LARGE1: variants seen among roughly 807,000 people sequenced by gnomAD.
LARGE1 encodes the protein LARGE xylosyl- and glucuronyltransferase 1, also known as xylosyl- and glucuronyltransferase LARGE1.
LARGE1 carries 43 observed loss-of-function variants against 87.6 expected under a neutral mutation model. The observed-to-expected ratio is 0.49, with a 90% CI of 0.38 to 0.63. The LOEUF (loss-of-function observed/expected upper bound fraction) is 0.63. Ranked by LOEUF, LARGE1 falls within the 30% of genes least tolerant of loss-of-function variation. The probability of loss-of-function intolerance (pLI) is 0.00; values close to 1 mark genes in which losing one functional copy is unlikely to be tolerated. For missense variants in LARGE1, 802 were observed against 1,000.2 expected (o/e 0.80, Z 2.67); for synonymous variants, 434 against 394.6 (o/e 1.10, Z -1.18).
rs111795849 is a variant in LARGE1, at chr22:33,513,812, T to TACACACACACACATACAC, written c.787+51035_787+51036insGTGTATGTGTGTGTGTGT. On this transcript the variant is annotated intron_variant, in intron 6 of 14. Coordinates refer to ENST00000397394, the MANE Select transcript of LARGE1 (RefSeq NM_133642.5). The stretch of plus-strand genomic sequence containing the variant: ...AGCTCTAGAGACTTAAGAGCTGATG[T>TACACACACACACATACAC]ACACACACACACACACACACACACA... Among the ~76,000 whole-genome samples the TACACACACACACATACAC allele has an allele frequency of 4.4e-3, 630 of 143,258 alleles. 9 individuals are homozygous for TACACACACACACATACAC. Among genetic ancestry groups the TACACACACACACATACAC allele is most frequent in the African/African-American group, 0.016 (606 of 38,906 alleles). 94.0% of individuals were successfully genotyped at this position (143,258 alleles called of 152,430 possible). A position where few individuals can be genotyped will look rare whatever the true frequency, so the allele number is the denominator to read the frequency against.
At chr22:33,068,199 T>C in the LARGE1 span, among the ~76,000 whole-genome samples, 22 of 152,304 alleles carry the variant, frequency 1.4e-4, no homozygotes, top group East Asian at 3.7e-3. Flanking sequence ...ATTTTTGTGA[T>C]TGGGTCACCT....
chr22:33,816,623 G>C (rs2086653605), intron 1 of LARGE1, among the ~76,000 whole-genome samples: 2 of 152,082 alleles, frequency 1.3e-5, no homozygotes, highest in South Asian at 4.2e-4. Flanking sequence ...ATAGCAGGCA[G>C]GCAGGCGGGA....
chr22:33,590,520 T>C (rs968183852), intron 5 of LARGE1, among the ~76,000 whole-genome samples: 1 of 152,184 alleles, frequency 6.6e-6, no homozygotes, highest in African/African-American at 2.4e-5. Flanking sequence ...TATAAAACAA[T>C]TTGATCGCCC....
At chr22:33,559,915 G>A (rs1056973290) in intron 6 of LARGE1, among the ~76,000 whole-genome samples, 2 of 152,054 alleles carry the variant, frequency 1.3e-5, no homozygotes, top group East Asian at 3.9e-4. Flanking sequence ...TGCCTAGATC[G>A]CCTTGGGCCC....
At chr22:33,559,182 T>C (rs979315330) in intron 6 of LARGE1, among the ~76,000 whole-genome samples, 2 of 152,218 alleles carry the variant, frequency 1.3e-5, no homozygotes, top group Non-Finnish European at 1.5e-5. Flanking sequence ...GCTTCATTGA[T>C]GGTACACCTT....
chr22:33,841,054 T>C (rs1276320120), intron 1 of LARGE1, among the ~76,000 whole-genome samples: 2 of 152,220 alleles, frequency 1.3e-5, no homozygotes, highest in Non-Finnish European at 2.9e-5. Context: ...TTGCATGATT[T>C]TGCCCAAATA....
intron 11 of LARGE1, among the ~76,000 whole-genome samples, chr22:33,306,861 CAAAA>C (rs200525916): frequency 4.9e-5 from 5 of 101,358 alleles, no homozygotes; most frequent in East Asian, 3.2e-4. Flanking sequence ...GAATCTGTCT[CAAAA>C]AAAAAAAAAA....
intron 1 of LARGE1, among the ~76,000 whole-genome samples, chr22:33,804,768 T>C (rs539393369): frequency 1.3e-5 from 2 of 152,344 alleles, no homozygotes; most frequent in East Asian, 3.9e-4. Flanking sequence ...AGGTTTTATT[T>C]TTCCAGAGCA....
At chr22:33,242,931 C>T (rs1289410273) in intron 11 of LARGE1, among the ~76,000 whole-genome samples, 3 of 152,182 alleles carry the variant, frequency 2.0e-5, no homozygotes, top group Non-Finnish European at 4.4e-5. Context: ...TCCATCTCTG[C>T]CTTCCTCTCC....
intron 12 of LARGE1, among the ~76,000 whole-genome samples, chr22:33,301,991 G>C (rs1008053768): frequency 2.0e-5 from 3 of 152,192 alleles, no homozygotes; most frequent in Non-Finnish European, 2.9e-5. Flanking sequence ...AGACTCATAC[G>C]GGGCCAGCTC....
the LARGE1 span, among the ~76,000 whole-genome samples, chr22:33,116,802 G>A: frequency 7.9e-5 from 12 of 152,312 alleles, no homozygotes; most frequent in South Asian, 1.0e-3. Context: ...TTGTTGAGGG[G>A]AGGTGGGGAT....
At chr22:33,509,796 C>T (rs2070966818) in intron 6 of LARGE1, among the ~76,000 whole-genome samples, 1 of 152,098 alleles carries the variant, frequency 6.6e-6, no homozygotes, top group African/African-American at 2.4e-5. Context: ...GTGTTTTGCC[C>T]AAACCTAACT....
Position 33,337,432 on chromosome 22 carries a change from C to T in LARGE1, c.1287+214G>A, listed in dbSNP as rs539013141. 2.0e-5 allele frequency among the ~76,000 whole-genome samples: 3 copies of T among 152,208 alleles called. No individual in the cohort carries two copies. The East Asian group carries it at 5.8e-4, about 29-fold the overall frequency. Reference sequence around the variant, plus strand: ...CACTTCTGACTTCACCTCGTCTGGACCAAACATACCCTGTCTGCATCCACA... The same window carrying T: ...CACTTCTGACTTCACCTCGTCTGGATCAAACATACCCTGTCTGCATCCACA... On this transcript the variant is annotated intron_variant, in intron 10 of 14. Coordinates refer to ENST00000397394, the MANE Select transcript of LARGE1 (RefSeq NM_133642.5).
chr22:33,265,059 C>T (rs2145759801), intron 11 of LARGE1, among the ~76,000 whole-genome samples: 1 of 151,746 alleles, frequency 6.6e-6, no homozygotes, highest in South Asian at 2.1e-4. Context: ...TGCCACCATG[C>T]CTGGCTAATT....
At chr22:33,864,152 G>A (rs1482500243) in intron 1 of LARGE1, among the ~76,000 whole-genome samples, 3 of 152,144 alleles carry the variant, frequency 2.0e-5, no homozygotes, top group African/African-American at 7.2e-5. Flanking sequence ...CTGGGAGGCA[G>A]GAAAGGTCAA....
intron 6 of LARGE1, among the ~76,000 whole-genome samples, chr22:33,541,051 T>TGGGGGGGGG (rs2077181024): frequency 7.4e-5 from 1 of 13,490 alleles, no homozygotes; most frequent in African/African-American, 2.9e-4. Flanking sequence ...GGGTGGTGGG[T>TGGGGGGGGG]TGCGGGGGGG....
intron 2 of LARGE1, among the ~76,000 whole-genome samples, chr22:33,757,598 G>C (rs1255273315): frequency 6.6e-6 from 1 of 152,160 alleles, no homozygotes; most frequent in Non-Finnish European, 1.5e-5. Context: ...CCTATGCTGA[G>C]AGCAGCCACA....
At chr22:33,216,608 A>AAG (rs1555883183) in intron 11 of LARGE1, among the ~76,000 whole-genome samples, 1 of 150,202 alleles carries the variant, frequency 6.7e-6, no homozygotes, top group African/African-American at 2.4e-5. Flanking sequence ...AAAAAAAAAA[A>AAG]AAAAGAAAAG....
chr22:33,451,662 G>A (rs945546303), intron 6 of LARGE1, among the ~76,000 whole-genome samples: 2 of 151,570 alleles, frequency 1.3e-5, no homozygotes, highest in Non-Finnish European at 2.9e-5. Flanking sequence ...AGGTTCAAGC[G>A]ATTTTCCTGC....
Sources: allele counts gnomAD v4.1 joint callset (sites outside exome capture counted in the v4.1 genomes callset), GRCh38; gene constraint gnomAD v4.1.1; transcripts MANE v1.5; gene names NCBI Gene and HGNC (gene_info 2026-07-23, HGNC 2026-07-21).